The following GSE1 variants were observed in gnomAD, a reference collection of about 807,000 sequenced individuals.
GSE1 encodes the protein Gse1 coiled-coil protein.
Under a neutral mutation model 112.6 loss-of-function variants are expected in GSE1, and 32 were observed. The observed-to-expected ratio is 0.28, with a 90% confidence interval of 0.21 to 0.38. The LOEUF is 0.38. Ranked by LOEUF, GSE1 falls within the 10% of genes least tolerant of loss-of-function variation. The probability of loss-of-function intolerance (pLI) is 1.00; values close to 1 mark genes in which losing one functional copy is unlikely to be tolerated. For missense variants in GSE1, 2,348 were observed against 1,699.2 expected, an observed-to-expected ratio of 1.38 and a Z score of -6.71; for synonymous variants, 1,115 against 735.6, an observed-to-expected ratio of 1.52 and a Z score of -8.35.
At chr16:85,578,209 G>A (rs1421542970) in intron 1 of GSE1, among the ~76,000 whole-genome samples, 2 of 152,222 alleles carry the variant, frequency 1.3e-5, no homozygotes, top group Non-Finnish European at 2.9e-5. Flanking sequence ...ACCTGGGAGG[G>A]CGGCACCGGG....
chr16:85,540,698 T>G (rs1251867056), intron 2 of GSE1, among the ~76,000 whole-genome samples: 1 of 152,236 alleles, frequency 6.6e-6, no homozygotes, highest in East Asian at 1.9e-4. Context: ...TAGGATCGCT[T>G]GAGCCCAGCA....
At chr16:85,437,431 G>A (rs564500400) in intron 2 of GSE1, among the ~76,000 whole-genome samples, 4 of 152,278 alleles carry the variant, frequency 2.6e-5, no homozygotes, top group Non-Finnish European at 5.9e-5. Context: ...TGCTGGACCG[G>A]GAGGCAGCCG....
chr16:85,310,882 C>T (rs1408239206), intron 1 of GSE1, among the ~76,000 whole-genome samples: 1 of 151,502 alleles, frequency 6.6e-6, no homozygotes, highest in Non-Finnish European at 1.5e-5. Context: ...ACAGCCAAAG[C>T]CCTGTGTGTC....
chr16:85,413,265 G>A (rs1353961860), intron 2 of GSE1, among the ~76,000 whole-genome samples: 1 of 152,198 alleles, frequency 6.6e-6, no homozygotes, highest in Non-Finnish European at 1.5e-5. Flanking sequence ...GTGGGACACG[G>A]GGAACGAGGT....
chr16:85,344,809 G>A (rs1482785184), intron 1 of GSE1, among the ~76,000 whole-genome samples: 2 of 152,238 alleles, frequency 1.3e-5, no homozygotes, highest in African/African-American at 4.8e-5. Flanking sequence ...TCCCAGGCTG[G>A]AGAGAGAAGG....
chr16:85,419,618 C>T lies in GSE1; in HGVS notation c.2464+61975C>T, dbSNP rs1192754653. 6.9e-6 allele frequency among the ~76,000 whole-genome samples: 1 copy of T among 145,792 alleles called. No homozygotes were observed. Among genetic ancestry groups the T allele is most frequent in the Non-Finnish European group, 1.5e-5 (1 of 66,168 alleles). ...AAGGCTGTGTCTCAAAAAAAAAAAA[C>T]AAAAAACAAAAAACAAAAAATAACA... On this transcript the variant is annotated intron_variant, in intron 2 of 2. Coordinates refer to the GSE1 transcript ENST00000637419. The surrounding 1 kb of genome is among the most constrained non-coding windows in gnomAD (Gnocchi z 6.5).
chr16:85,200,886 C>A (rs998010278), intron 1 of GSE1, among the ~76,000 whole-genome samples: 1 of 152,232 alleles, frequency 6.6e-6, no homozygotes, highest in African/African-American at 2.4e-5. Flanking sequence ...AACATGAACT[C>A]CACTTCCTGC....
At chr16:85,474,301 ATTGTC>A (rs2050384996) in intron 2 of GSE1, among the ~76,000 whole-genome samples, 1 of 151,738 alleles carries the variant, frequency 6.6e-6, no homozygotes, top group Non-Finnish European at 1.5e-5. Context: ...TGGGCTTCTG[ATTGTC>A]TTGTCTTTCT....
At chr16:85,402,138 C>T (rs1208218751) in intron 2 of GSE1, among the ~76,000 whole-genome samples, 4 of 152,200 alleles carry the variant, frequency 2.6e-5, no homozygotes, top group African/African-American at 9.7e-5. Flanking sequence ...TGTCCCGGAA[C>T]GCAGCTTACG....
chr16:85,413,579 G>T (rs557298338), intron 2 of GSE1, among the ~76,000 whole-genome samples: 1 of 152,252 alleles, frequency 6.6e-6, no homozygotes, highest in South Asian at 2.1e-4. Flanking sequence ...TTAAGCACAC[G>T]CTTCGCAAAT....
At chr16:85,388,070 G>T (rs1276712155) in intron 2 of GSE1, among the ~76,000 whole-genome samples, 1 of 144,684 alleles carries the variant, frequency 6.9e-6, no homozygotes, top group Non-Finnish European at 1.5e-5. Context: ...GTGAGTGGAT[G>T]GGTGGGTGGA....
intron 1 of GSE1, among the ~76,000 whole-genome samples, chr16:85,561,008 T>C (rs2045493055): frequency 6.6e-6 from 1 of 151,880 alleles, no homozygotes; most frequent in African/African-American, 2.4e-5. Flanking sequence ...GGTGCCTGCC[T>C]GTAGACCCAG....
At chr16:85,259,088 C>A (rs1027397289) in intron 1 of GSE1, among the ~76,000 whole-genome samples, 1 of 152,136 alleles carries the variant, frequency 6.6e-6, no homozygotes, top group Admixed American at 6.5e-5. Flanking sequence ...TCTGCCCGGG[C>A]AGGATAGGGG....
chr16:85,523,127 C>G (rs777678797), intron 2 of GSE1, among the ~76,000 whole-genome samples: 13 of 148,962 alleles, frequency 8.7e-5, no homozygotes, highest in Non-Finnish European at 1.3e-4. Context: ...TGTGTGTGGC[C>G]TGTGTGTGTG....
intron 1 of GSE1, among the ~76,000 whole-genome samples, chr16:85,271,897 C>T (rs1908873130): frequency 1.3e-5 from 2 of 152,196 alleles, no homozygotes; most frequent in African/African-American, 2.4e-5. Context: ...CCGGAGACCC[C>T]AGGGCTGGGG....
intron 2 of GSE1, among the ~76,000 whole-genome samples, chr16:85,421,091 T>C (rs796715468): frequency 3.2e-4 from 48 of 152,272 alleles, no homozygotes; most frequent in African/African-American, 1.1e-3. Flanking sequence ...TGAATTGATA[T>C]GTTTGGTGTT....
At chr16:85,598,274 C>T (rs1005128709) in intron 1 of GSE1, among the ~76,000 whole-genome samples, 1 of 151,324 alleles carries the variant, frequency 6.6e-6, no homozygotes, top group Non-Finnish European at 1.5e-5. Flanking sequence ...CTCTGGGACC[C>T]CATGTGCTGT....
At chr16:85,363,713 C>T (rs997673807) in intron 2 of GSE1, among the ~76,000 whole-genome samples, 1 of 152,176 alleles carries the variant, frequency 6.6e-6, no homozygotes, top group African/African-American at 2.4e-5. Flanking sequence ...GGTACTGTCA[C>T]CACCAGTTGC....
chr16:85,191,621 A>G (rs996093480), intron 1 of GSE1, among the ~76,000 whole-genome samples: 15 of 152,162 alleles, frequency 9.9e-5, no homozygotes, highest in Admixed American at 9.8e-4. Context: ...ATGGAACTCT[A>G]CGTGCCGCTG....
Sources: gnomAD v4.1 joint callset for allele counts (sites outside exome capture counted in the v4.1 genomes callset) on GRCh38, gnomAD v4.1.1 for gene constraint, Gnocchi (gnomAD v3.1) non-coding constraint, MANE v1.5 for transcripts, NCBI Gene and HGNC (gene_info 2026-07-23, HGNC 2026-07-21) for gene names.